MMD2: variants seen among roughly 807,000 people sequenced by gnomAD.
MMD2 encodes the protein monocyte to macrophage differentiation associated 2, also known as monocyte to macrophage differentiation factor 2.
In MMD2, 30 loss-of-function variants were observed where a neutral mutation model predicts 33.5. The observed-to-expected ratio is 0.90, with a 90% CI of 0.67 to 1.22. The LOEUF (loss-of-function observed/expected upper bound fraction) is 1.22. MMD2 is among the 50% of genes most tolerant of loss of function. The probability of loss-of-function intolerance (pLI) is 0.00; values close to 1 mark genes in which losing one functional copy is unlikely to be tolerated. For synonymous variants in MMD2, 129 were observed against 123.0 expected (o/e 1.05, Z -0.32); for missense variants, 364 against 325.4 (o/e 1.12, Z -0.91).
intron 1 of MMD2, among the ~76,000 whole-genome samples, chr7:4,949,558 C>G (rs1254732539): frequency 6.6e-6 from 1 of 151,882 alleles, no homozygotes; most frequent in African/African-American, 2.4e-5. Context: ...TCTTGCCACG[C>G]TGGAGTGCAA....
At chr7:4,945,884 C>T (rs1029397863) in intron 1 of MMD2, among the ~76,000 whole-genome samples, 1 of 152,240 alleles carries the variant, frequency 6.6e-6, no homozygotes, top group African/African-American at 2.4e-5. Flanking sequence ...CTCTTTCCTT[C>T]TTTCCTCCAG....
At chr7:4,936,389 T>C (rs998691579) in intron 1 of MMD2, among the ~76,000 whole-genome samples, 6 of 151,876 alleles carry the variant, frequency 4.0e-5, no homozygotes, top group Non-Finnish European at 8.8e-5. Context: ...GATTGGTGAG[T>C]TTGGGGGTGC....
chr7:4,947,276 A>G (rs570521963), intron 1 of MMD2, among the ~76,000 whole-genome samples: 44 of 152,270 alleles, frequency 2.9e-4, no homozygotes, highest in African/African-American at 1.0e-3. Flanking sequence ...TACAGGAAGC[A>G]TGGCGGCTTC....
intron 1 of MMD2, among the ~76,000 whole-genome samples, chr7:4,927,326 C>T (rs969913845): frequency 6.6e-6 from 1 of 152,006 alleles, no homozygotes; most frequent in Non-Finnish European, 1.5e-5. Flanking sequence ...AGGCGGATCA[C>T]TTTAGGCCAG....
chr7:4,913,635 T>G (rs1190199235), intron 4 of MMD2, among the ~76,000 whole-genome samples: 5 of 149,410 alleles, frequency 3.3e-5, no homozygotes, highest in African/African-American at 1.2e-4. Flanking sequence ...GGAGAATTGC[T>G]TGAACCCGGG....
At chr7:4,942,088 G>C (rs1311094094) in intron 1 of MMD2, among the ~76,000 whole-genome samples, 3 of 151,942 alleles carry the variant, frequency 2.0e-5, no homozygotes, top group Non-Finnish European at 4.4e-5. Context: ...CGAGTACCTG[G>C]GACTACAGGC....
intron 1 of MMD2, among the ~76,000 whole-genome samples, chr7:4,952,943 T>C (rs1163128487): frequency 1.3e-5 from 2 of 152,000 alleles, no homozygotes; most frequent in African/African-American, 4.8e-5. Flanking sequence ...TCCCAAAGTG[T>C]TGGGATTAAA....
chr7:4,924,575 G>A (rs1461200717), intron 2 of MMD2, among the ~76,000 whole-genome samples: 2 of 152,224 alleles, frequency 1.3e-5, no homozygotes, highest in East Asian at 3.8e-4. Flanking sequence ...TGGACAGCTG[G>A]CATGGTGATG....
the MMD2 span, among the ~76,000 whole-genome samples, chr7:4,900,013 C>A: frequency 6.6e-6 from 1 of 152,170 alleles, no homozygotes; most frequent in African/African-American, 2.4e-5. Context: ...ACTGTCTGAG[C>A]AACCTTGGTG....
chr7:4,896,505 G>A, the MMD2 span, among the ~76,000 whole-genome samples: 1 of 151,950 alleles, frequency 6.6e-6, no homozygotes, highest in Admixed American at 6.6e-5. Context: ...AATAAAACAA[G>A]GTGTTTGGCC....
chr7:4,958,859 A>C, intron 1 of MMD2, 112 bp downstream of exon 1: 3 of 935,152 alleles, frequency 3.2e-6, no homozygotes, highest in Non-Finnish European at 4.2e-6. Flanking sequence ...GGGTCCGCCG[A>C]TCCCCTCTAG....
chr7:4,907,631 C>A (rs1196820247), intron 6 of MMD2, 32 bp from the exon 7 acceptor site: 1 of 1,607,038 alleles, frequency 6.2e-7, no homozygotes, highest in Non-Finnish European at 8.5e-7. Flanking sequence ...GGGCACAGGT[C>A]AGAGGGGCAG....
intron 1 of MMD2, among the ~76,000 whole-genome samples, chr7:4,941,059 G>A (rs1366566905): frequency 6.6e-6 from 1 of 152,182 alleles, no homozygotes; most frequent in African/African-American, 2.4e-5. Context: ...TGGCTGCTGT[G>A]AGTGGGGTTA....
chr7:4,945,216 T>TTCTTCC (rs1226285932), intron 1 of MMD2, among the ~76,000 whole-genome samples: 1 of 145,260 alleles, frequency 6.9e-6, no homozygotes, highest in Non-Finnish European at 1.5e-5. Flanking sequence ...CTTCTTCTTC[T>TTCTTCC]TCTTCTTCTT....
chr7:4,934,484 C>T (rs188437377), intron 1 of MMD2, among the ~76,000 whole-genome samples: 12 of 152,280 alleles, frequency 7.9e-5, no homozygotes, highest in East Asian at 5.8e-4. Context: ...GAGGCAGCCT[C>T]GACGGTGGGA....
chr7:4,902,964 AT>A (rs578145575), downstream of MMD2, among the ~76,000 whole-genome samples: 172 of 152,288 alleles, frequency 1.1e-3, 1 homozygote, highest in African/African-American at 3.5e-3. Flanking sequence ...AGTTTGGGAT[AT>A]GGTGGCTCAT....
At chr7:4,912,527 A>G (rs990514040) in intron 4 of MMD2, among the ~76,000 whole-genome samples, 1 of 150,516 alleles carries the variant, frequency 6.6e-6, no homozygotes, top group Non-Finnish European at 1.5e-5. Context: ...GCGCCACTGC[A>G]CTCCAGCCTG....
At chr7:4,914,177 G>A (rs1214085230) in intron 4 of MMD2, among the ~76,000 whole-genome samples, 1 of 152,040 alleles carries the variant, frequency 6.6e-6, no homozygotes, top group Non-Finnish European at 1.5e-5. Flanking sequence ...TCATGGATAT[G>A]GTATTCTTGG....
chr7:4,893,003 C>T, the MMD2 span, among the ~76,000 whole-genome samples: 716 of 152,214 alleles, frequency 4.7e-3, 1 homozygote, highest in Non-Finnish European at 7.6e-3. Context: ...CGCGAGCCAC[C>T]GCACCCAGCT....
Sources: allele counts gnomAD v4.1 joint callset (sites outside exome capture counted in the v4.1 genomes callset), GRCh38; gene constraint gnomAD v4.1.1; transcripts MANE v1.5; gene names NCBI Gene and HGNC (gene_info 2026-07-23, HGNC 2026-07-21).